The following AVL9 variants were observed in gnomAD, a reference collection of about 807,000 sequenced individuals.
The protein encoded by AVL9 is AVL9 cell migration associated, also known as late secretory pathway protein AVL9 homolog.
In AVL9, 49 loss-of-function variants were observed where a neutral mutation model predicts 79.2. The ratio of observed to expected loss-of-function variants is 0.62; its 90% confidence interval spans 0.49 to 0.79. AVL9 has a LOEUF of 0.79. Among genes scored for constraint, AVL9 ranks in the 30% least tolerant of loss-of-function variants. The pLI is 0.00. For missense variants in AVL9, 682 were observed against 776.8 expected (o/e 0.88, Z 1.45); for synonymous variants, 299 against 280.6 (o/e 1.07, Z -0.65).
At chr7:32,535,018 T>C (rs1788832445) in intron 1 of AVL9, 1 of 152,232 alleles carries the variant, frequency 6.6e-6, no homozygotes, top group South Asian at 2.1e-4. Context: ...AAGACACTCT[T>C]ACAAATGTAG....
intron 12 of AVL9, among the ~76,000 whole-genome samples, chr7:32,574,614 T>A (rs1307136334): frequency 6.6e-6 from 1 of 152,086 alleles, no homozygotes; most frequent in Non-Finnish European, 1.5e-5. Context: ...CAGGGACCAG[T>A]GTTCTGAGCA....
chr7:32,551,214 TACTA>T (rs1185644036), intron 4 of AVL9, 116 bp from the exon 5 acceptor site: 17 of 660,954 alleles, frequency 2.6e-5, no homozygotes, highest in Admixed American at 1.6e-4. Flanking sequence ...AGTTGATAGT[TACTA>T]ACTTTTTTCT....
At chr7:32,562,746 C>T (rs151078833) in intron 10 of AVL9, 312 of 297,624 alleles carry the variant, frequency 1.0e-3, no homozygotes, top group Middle Eastern at 4.9e-3. Context: ...CAAAGCAAGA[C>T]GTCATCTCTA....
intron 1 of AVL9, among the ~76,000 whole-genome samples, chr7:32,498,981 C>T (rs146835863): frequency 1 from 13,180 of 13,188 alleles, 6,586 homozygotes; most frequent in Middle Eastern, 1. Context: ...CTGGACAACA[C>T]GGTGAAACCC....
At chr7:32,577,017 G>A (rs925491102) in intron 13 of AVL9, among the ~76,000 whole-genome samples, 1 of 152,056 alleles carries the variant, frequency 6.6e-6, no homozygotes, top group Non-Finnish European at 1.5e-5. Context: ...TTGATATAGT[G>A]TATACAGGAA....
At position 32,559,539 on chromosome 7, in the gene AVL9, T is replaced by C. The variant is rs532068521; in HGVS notation, c.1215+75T>C. 1.6e-4 allele frequency: 231 copies of C among 1,457,046 alleles called. No homozygotes were observed. The East Asian group carries it at 4.8e-3, about 30-fold the overall frequency. 90.3% of individuals were successfully genotyped at this position (1,457,046 alleles called of 1,614,324 possible). A position where few individuals can be genotyped will look rare whatever the true frequency, so the allele number is the denominator to read the frequency against. Reference sequence around the variant, plus strand: ...TTTCGGAGTTTAACTTTTGAACTTTTGGTATTCAACACATTTTCAGGTGGA... The same window carrying C: ...TTTCGGAGTTTAACTTTTGAACTTTCGGTATTCAACACATTTTCAGGTGGA... On this transcript the variant is annotated intron_variant, in intron 10 of 15. Transcript: ENST00000318709.
At chr7:32,549,912 C>T (rs2128137429) in intron 4 of AVL9, among the ~76,000 whole-genome samples, 1 of 41,702 alleles carries the variant, frequency 2.4e-5, no homozygotes, top group Middle Eastern at 0.019. Context: ...GAGGGAGACT[C>T]CGTCTCAAAA....
At chr7:32,502,893 G>T (rs1486451744) in intron 1 of AVL9, among the ~76,000 whole-genome samples, 1 of 152,190 alleles carries the variant, frequency 6.6e-6, no homozygotes, top group East Asian at 1.9e-4. Flanking sequence ...ATTTCCCAAT[G>T]TCAATACTAT....
chr7:32,538,179 T>C (rs1164039790), intron 1 of AVL9: 1 of 152,240 alleles, frequency 6.6e-6, no homozygotes, highest in African/African-American at 2.4e-5. Context: ...GCTTCAGATA[T>C]TAATTAAACT....
intron 1 of AVL9, among the ~76,000 whole-genome samples, chr7:32,518,901 T>G (rs1788018816): frequency 6.6e-6 from 1 of 152,346 alleles, no homozygotes; most frequent in Middle Eastern, 3.4e-3. Context: ...AAAATTGTGT[T>G]ACTCTTAGTG....
rs1791841110 is a variant in AVL9 at position 32,587,275 on chromosome 7, C to G, written c.*3368C>G. On this transcript the variant is annotated 3_prime_UTR_variant, in exon 16 of 16. Transcript: ENST00000318709. ...TATTTTGAGAGCAGTATTTCATGTG[C>G]TAAGGGTTATAAGAATTCTTTTAGA... is the stretch of plus-strand genomic sequence containing the variant. 1 of 152,126 alleles carries G rather than the reference C, an allele frequency of 6.6e-6. No homozygotes were observed. Among genetic ancestry groups the G allele is most frequent in the Non-Finnish European group, 1.5e-5 (1 of 68,036 alleles). 9.4% of individuals were successfully genotyped at this position (152,126 alleles called of 1,614,324 possible).
chr7:32,518,638 G>T (rs1193457797), intron 1 of AVL9, among the ~76,000 whole-genome samples: 1 of 152,114 alleles, frequency 6.6e-6, no homozygotes, highest in Non-Finnish European at 1.5e-5. Context: ...ATGTGAGAAA[G>T]AGTCTTTTAT....
At chr7:32,544,845 G>T in intron 3 of AVL9, 66 bp downstream of exon 3, 1 of 1,199,364 alleles carries the variant, frequency 8.3e-7, no homozygotes. Context: ...CTTAAACACA[G>T]TCTTTATTTT....
chr7:32,520,036 C>T (rs771058117), intron 1 of AVL9, among the ~76,000 whole-genome samples: 5 of 152,238 alleles, frequency 3.3e-5, no homozygotes, highest in Non-Finnish European at 7.3e-5. Context: ...GATCCAGTCA[C>T]CTCCCACCAG....
intron 1 of AVL9, among the ~76,000 whole-genome samples, chr7:32,496,379 T>C (rs1254859260): frequency 1.3e-5 from 2 of 152,246 alleles, no homozygotes; most frequent in African/African-American, 2.4e-5. Flanking sequence ...GTCCTTAGTT[T>C]TGCTATTTCA....
Position 32,528,749 on chromosome 7 carries a change from G to A in AVL9, c.94-14392G>A, listed in dbSNP as rs146088403. Among the ~76,000 whole-genome samples, 608 of 152,254 alleles carry A rather than the reference G, an allele frequency of 4.0e-3. 4 individuals are homozygous for A. The highest frequency in any genetic ancestry group is 0.013 in the African/African-American group (550 of 41,542). On this transcript the variant is annotated intron_variant, in intron 1 of 15. Transcript: ENST00000318709. ...ATCATAGGCCGGCGCAGTGGCTCAC[G>A]CCTGTAATCCCAGCACTTTGGGAGG... is the stretch of plus-strand genomic sequence containing the variant.
At chr7:32,530,285 G>A (rs1417119677) in intron 1 of AVL9, among the ~76,000 whole-genome samples, 1 of 152,166 alleles carries the variant, frequency 6.6e-6, no homozygotes, top group Non-Finnish European at 1.5e-5. Flanking sequence ...TATGTTTTAA[G>A]TGAGAGTTCA....
chr7:32,525,649 A>C (rs1325507128), intron 1 of AVL9, among the ~76,000 whole-genome samples: 2 of 152,208 alleles, frequency 1.3e-5, no homozygotes, highest in African/African-American at 4.8e-5. Context: ...AGAGAGTATC[A>C]GATTATAAGA....
chr7:32,582,464 C>G (rs533076250), intron 15 of AVL9, among the ~76,000 whole-genome samples: 10 of 152,302 alleles, frequency 6.6e-5, no homozygotes, highest in African/African-American at 2.2e-4. Flanking sequence ...ATTTAGCACA[C>G]AAACATTTAT....
Sources: allele counts gnomAD v4.1 joint callset (sites outside exome capture counted in the v4.1 genomes callset), GRCh38; gene constraint gnomAD v4.1.1; transcripts MANE v1.5; gene names NCBI Gene and HGNC (gene_info 2026-07-23, HGNC 2026-07-21).